The following TNNI3K variants were observed in gnomAD, a reference collection of about 807,000 sequenced individuals.
The protein encoded by TNNI3K is serine/threonine-protein kinase TNNI3K.
Under a neutral mutation model 114.5 loss-of-function variants are expected in TNNI3K, and 140 were observed. The observed-to-expected ratio is 1.22, with a 90% CI of 1.07 to 1.41. TNNI3K has a LOEUF of 1.41. Ranked by LOEUF, TNNI3K falls within the 40% of genes most tolerant of loss-of-function variation. The pLI is 0.00. For missense variants in TNNI3K, 1,125 were observed against 1,007.6 expected (o/e 1.12, Z -1.58); for synonymous variants, 347 against 347.5 (o/e 1.00, Z 0.02).
At chr1:74,532,581 C>T (rs1055159635) in intron 23 of TNNI3K, among the ~76,000 whole-genome samples, 2 of 151,728 alleles carry the variant, frequency 1.3e-5, no homozygotes, top group African/African-American at 2.4e-5. Flanking sequence ...CCCAATAACT[C>T]GTCATTTAGC....
intron 4 of TNNI3K, among the ~76,000 whole-genome samples, chr1:74,261,923 C>A (rs549207314): frequency 2.0e-5 from 3 of 152,106 alleles, no homozygotes; most frequent in Admixed American, 1.3e-4. Flanking sequence ...GGGGAAAAAT[C>A]GAATTAAACC....
chr1:74,332,297 C>CT (rs528138817), intron 6 of TNNI3K, among the ~76,000 whole-genome samples: 1,537 of 144,414 alleles, frequency 0.011, 17 homozygotes, highest in South Asian at 0.023. Context: ...GCTATTTGCC[C>CT]TTTTTTTTTT....
intron 21 of TNNI3K, among the ~76,000 whole-genome samples, chr1:74,473,492 C>T (rs1021388474): frequency 2.4e-4 from 37 of 151,244 alleles, no homozygotes; most frequent in African/African-American, 7.3e-4. Context: ...ACATCTTAAC[C>T]GCAAAAAATC....
intron 3 of TNNI3K, among the ~76,000 whole-genome samples, chr1:74,250,002 G>C (rs1654830904): frequency 6.6e-6 from 1 of 152,140 alleles, no homozygotes; most frequent in African/African-American, 2.4e-5. Context: ...ACTTTAGTTT[G>C]TTTTGTTTAT....
chr1:74,318,126 G>T lies in TNNI3K; in HGVS notation c.445-13324G>T, dbSNP rs184271016. ...AGGGCTCATCGAATTTGTTCTCATC[G>T]CCTAGGAACTATTGTCCTTCATTGC... On this transcript the variant is annotated intron_variant, in intron 5 of 24. Transcript: ENST00000326637. 2.5e-3 allele frequency among the ~76,000 whole-genome samples: 379 copies of T among 152,154 alleles called. 3 individuals carry two copies. Among genetic ancestry groups the T allele is most frequent in the African/African-American group, 8.7e-3 (363 of 41,512 alleles).
intron 4 of TNNI3K, among the ~76,000 whole-genome samples, chr1:74,267,377 C>T (rs765866140): frequency 4.6e-5 from 7 of 151,792 alleles, no homozygotes; most frequent in Non-Finnish European, 8.8e-5. Context: ...CAAGTTTTTC[C>T]TTGAGACTCG....
intron 23 of TNNI3K, among the ~76,000 whole-genome samples, chr1:74,531,508 C>T (rs905444400): frequency 6.6e-6 from 1 of 152,134 alleles, no homozygotes; most frequent in Non-Finnish European, 1.5e-5. Flanking sequence ...CACTGCAAAG[C>T]ATAGAAAGGC....
intron 4 of TNNI3K, among the ~76,000 whole-genome samples, chr1:74,266,859 A>G (rs1656025378): frequency 6.6e-6 from 1 of 151,968 alleles, no homozygotes. Flanking sequence ...ATTTACATAC[A>G]TTTTGGGAGA....
At chr1:74,471,318 T>C (rs1667922899) in intron 21 of TNNI3K, 5 of 400,720 alleles carry the variant, frequency 1.2e-5, no homozygotes, top group Non-Finnish European at 1.8e-5. Flanking sequence ...GAAGAAAATC[T>C]GCAGAACACA....
At chr1:74,345,909 CA>C (rs989768222) in intron 9 of TNNI3K, 1 of 152,170 alleles carries the variant, frequency 6.6e-6, no homozygotes, top group African/African-American at 2.4e-5. Flanking sequence ...ATCAGAATTT[CA>C]GATAAGTATT....
rs1225524783 is a variant in TNNI3K, at chr1:74,278,685, A to G, written c.444+6977A>G. On this transcript the variant is annotated intron_variant, in intron 5 of 24. Transcript: ENST00000326637. ...TTTTAGTATAGTTGCAGAGTTGTGT[A>G]ATCATCACCAAAATCTAATTTTAGA... Among the ~76,000 whole-genome samples the G allele has an allele frequency of 7.2e-5, 11 of 152,316 alleles. No individual in the cohort carries two copies. In the East Asian group the frequency reaches 2.1e-3, roughly 29 times the overall value.
At chr1:74,512,092 T>A (rs1670256454) in intron 23 of TNNI3K, among the ~76,000 whole-genome samples, 1 of 152,162 alleles carries the variant, frequency 6.6e-6, no homozygotes, top group South Asian at 2.1e-4. Flanking sequence ...GCAGTGAGCA[T>A]GAAAAGATCT....
At chr1:74,295,500 A>G (rs1570431655) in intron 5 of TNNI3K, among the ~76,000 whole-genome samples, 1 of 152,132 alleles carries the variant, frequency 6.6e-6, no homozygotes, top group African/African-American at 2.4e-5. Context: ...CTATTTCTCA[A>G]TATTCAAATT....
chr1:74,388,160 C>A (rs1663583757), intron 17 of TNNI3K, among the ~76,000 whole-genome samples: 1 of 152,044 alleles, frequency 6.6e-6, no homozygotes, highest in South Asian at 2.1e-4. Flanking sequence ...TGCCTGTAGT[C>A]CCAGCTACTC....
chr1:74,473,338 A>C (rs1219181291), intron 21 of TNNI3K, among the ~76,000 whole-genome samples: 2 of 152,238 alleles, frequency 1.3e-5, no homozygotes, highest in East Asian at 3.9e-4. Context: ...TCTATCTGAC[A>C]TTAAACGACC....
At chr1:74,410,855 G>C (rs1664847125) in intron 17 of TNNI3K, among the ~76,000 whole-genome samples, 1 of 152,208 alleles carries the variant, frequency 6.6e-6, no homozygotes. Context: ...GACTGGCTTT[G>C]AATGATCTCA....
In TNNI3K at chr1:74,492,271, G is replaced by C; in HGVS notation, c.2351+5G>C. On this transcript the variant is annotated splice_donor_5th_base_variant and intron_variant, in intron 23 of 24. Transcript: ENST00000326637. ...CTATGCTGCTTTGTCCCAAAGGTGA[G>C]TGGTAATATAAGCAAATCTCACAGT... is the stretch of plus-strand genomic sequence containing the variant. The C allele has an allele frequency of 6.6e-7, 1 of 1,516,466 alleles. No individual in the cohort carries two copies. The allele number at this position is 1,516,466 out of a possible 1,614,324, so 93.9% of individuals were successfully genotyped here.
In TNNI3K at chr1:74,370,313, A is replaced by G; in HGVS notation, c.1693A>G (p.Ile565Val). 1 of 1,600,632 alleles carries G rather than the reference A, an allele frequency of 6.2e-7. No individual in the cohort carries two copies. The highest frequency in any genetic ancestry group is 8.5e-7 in the Non-Finnish European group (1 of 1,172,398). ...GATTCTTGATTTGCAGTCTAAATTA[A>G]TTATTGCAGTAGATGTTGCCAAAGG... ...KRILDLQSKL[I>V]IAVDVAKGME... Residue 565 changes from isoleucine (I) to valine (V), a missense_variant, in exon 17 of 25, where the codon ATT becomes GTT. Physicochemically the swap from Ile to Val is conservative, Grantham distance 29. Transcript: ENST00000326637.
intron 11 of TNNI3K, among the ~76,000 whole-genome samples, chr1:74,359,764 A>G (rs953349545): frequency 6.6e-6 from 1 of 152,036 alleles, no homozygotes; most frequent in Non-Finnish European, 1.5e-5. Flanking sequence ...AGGAATGTCA[A>G]AGAATTTGTG....
Sources: gnomAD v4.1 joint callset for allele counts (sites outside exome capture counted in the v4.1 genomes callset) on GRCh38, gnomAD v4.1.1 for gene constraint, MANE v1.5 for transcripts, NCBI Gene and HGNC (gene_info 2026-07-23, HGNC 2026-07-21) for gene names.